UBQLN1: variants seen among roughly 807,000 people sequenced by gnomAD.
UBQLN1 encodes the protein ubiquilin-1.
In UBQLN1, 13 loss-of-function variants were observed where a neutral mutation model predicts 65.4. The observed-to-expected ratio is 0.20, with a 90% confidence interval of 0.13 to 0.32. UBQLN1 has a LOEUF of 0.32. UBQLN1 is among the 10% of genes least tolerant of loss of function. The pLI, the probability that UBQLN1 is intolerant of heterozygous loss-of-function variation, is 1.00. For synonymous variants in UBQLN1, 267 were observed against 247.8 expected, an observed-to-expected ratio of 1.08 and a Z score of -0.73; for missense variants, 561 against 724.0, an observed-to-expected ratio of 0.77 and a Z score of 2.58.
intron 6 of UBQLN1, among the ~76,000 whole-genome samples, chr9:83,673,637 T>C (rs1032231982): frequency 6.6e-5 from 10 of 151,338 alleles, no homozygotes; most frequent in African/African-American, 2.4e-4. Context: ...AAGATAAATA[T>C]TTTGTGAAAC....
chr9:83,673,079 A>G (rs1831760745), intron 6 of UBQLN1, among the ~76,000 whole-genome samples: 6 of 151,384 alleles, frequency 4.0e-5, no homozygotes, highest in Admixed American at 3.9e-4. Flanking sequence ...AAGATACAAA[A>G]ATCAGCTGGG....
At chr9:83,698,546 A>C (rs1832258405) in intron 1 of UBQLN1, among the ~76,000 whole-genome samples, 1 of 152,222 alleles carries the variant, frequency 6.6e-6, no homozygotes. Context: ...GAAGCAACCC[A>C]AGCGACCAGC....
At chr9:83,700,607 A>G (rs1018240348) in intron 1 of UBQLN1, among the ~76,000 whole-genome samples, 1 of 152,212 alleles carries the variant, frequency 6.6e-6, no homozygotes, top group African/African-American at 2.4e-5. Flanking sequence ...ACAATCAGAA[A>G]TAGATACTAC....
Position 83,707,899 on chromosome 9 carries a change from T to C in UBQLN1, c.-220A>G. On this transcript the variant is annotated 5_prime_UTR_variant, in exon 1 of 11. Coordinates refer to ENST00000376395, the MANE Select transcript of UBQLN1 (RefSeq NM_013438.5). ...CGGGTCAGGCGCTCGGCAGCCGCCG[T>C]GTGTTCAGGCGCCGCTCGCTCACAC... 1 of 585,906 alleles carries C rather than the reference T, an allele frequency of 1.7e-6. No homozygotes were observed. Among genetic ancestry groups the C allele is most frequent in the Admixed American group, 4.1e-5 (1 of 24,328 alleles). The allele number at this position is 585,906 out of a possible 1,614,324, so 36.3% of individuals were successfully genotyped here.
chr9:83,685,352 T>C (rs1164393982), intron 2 of UBQLN1, among the ~76,000 whole-genome samples: 1 of 152,202 alleles, frequency 6.6e-6, no homozygotes, highest in Non-Finnish European at 1.5e-5. Context: ...CAACTAAGTC[T>C]TCGTATGTTA....
rs963813235 is a variant in UBQLN1 at position 83,689,463 on chromosome 9, G to A, written c.181-3308C>T. On this transcript the variant is annotated intron_variant, in intron 1 of 10. Coordinates refer to ENST00000376395, the MANE Select transcript of UBQLN1 (RefSeq NM_013438.5). The stretch of plus-strand genomic sequence containing the variant: ...TGAACAATTAACATATGACCTAATT[G>A]AGCATACACAGATCACCAAACCCAA... Among the ~76,000 whole-genome samples the A allele has an allele frequency of 1.1e-4, 16 of 152,120 alleles. 1 individual carries two copies. Among genetic ancestry groups the A allele is most frequent in the African/African-American group, 3.9e-4 (16 of 41,418 alleles).
At chr9:83,680,114 G>C in intron 3 of UBQLN1, 77 bp from the exon 4 acceptor site, 5 of 1,442,336 alleles carry the variant, frequency 3.5e-6, no homozygotes, top group Non-Finnish European at 4.7e-6. Context: ...ATATGAAGAT[G>C]CAAAAAAGTA....
chr9:83,670,952 CT>C lies in UBQLN1; in HGVS notation c.1106-1626del, dbSNP rs759187667. ...TGTAGCAACGCAGTCAGTGTTCATG[CT>C]CCACCTCTTTTTTTCTTTTTAAATT... On this transcript the variant is annotated intron_variant, in intron 6 of 10. Coordinates refer to ENST00000376395, the MANE Select transcript of UBQLN1 (RefSeq NM_013438.5). Among the ~76,000 whole-genome samples, 168 of 152,286 alleles carry C rather than the reference CT, an allele frequency of 1.1e-3. 2 individuals carry two copies. The highest frequency in any genetic ancestry group is 6.8e-3 in the Middle Eastern group (2 of 294).
rs746037438 is a variant in UBQLN1, at chr9:83,677,809, A to C, written c.1023T>G (p.Thr341=). ...SSSASSGTAS[T]VGGTTGSTAS... is the part of the protein sequence containing the mutation. Reference sequence around the variant, plus strand: ...CAGTACTACCAGTAGTGCCACCCACAGTGCTGGCAGTGCCGCTGGAAGCTG... The same window carrying C: ...CAGTACTACCAGTAGTGCCACCCACCGTGCTGGCAGTGCCGCTGGAAGCTG... The change falls in exon 6 of 11, where the codon ACT becomes ACG. Residue 341 remains threonine, a synonymous_variant. Coordinates refer to ENST00000376395, the MANE Select transcript of UBQLN1 (RefSeq NM_013438.5). 2 of 1,614,150 alleles carry C rather than the reference A, an allele frequency of 1.2e-6. No individual in the cohort carries two copies. Among genetic ancestry groups the C allele is most frequent in the Admixed American group, 1.7e-5 (1 of 60,020 alleles).
intron 1 of UBQLN1, among the ~76,000 whole-genome samples, chr9:83,689,042 C>T (rs1390896649): frequency 6.6e-6 from 1 of 152,206 alleles, no homozygotes; most frequent in Non-Finnish European, 1.5e-5. Context: ...AGAACATTTT[C>T]ATTACCTCAA....
chr9:83,690,353 T>C (rs932841528), intron 1 of UBQLN1, among the ~76,000 whole-genome samples: 1 of 152,164 alleles, frequency 6.6e-6, no homozygotes, highest in Non-Finnish European at 1.5e-5. Flanking sequence ...ATTTCATTTA[T>C]GTGAGTTTTT....
chr9:83,678,366 T>C, intron 5 of UBQLN1, 75 bp downstream of exon 5: 1 of 1,491,174 alleles, frequency 6.7e-7, no homozygotes, highest in Non-Finnish European at 9.0e-7. Context: ...ATATAAAAGC[T>C]ACCCTCAATC....
intron 1 of UBQLN1, among the ~76,000 whole-genome samples, chr9:83,701,791 C>T (rs1350002514): frequency 1.2e-5 from 1 of 80,512 alleles, no homozygotes; most frequent in Admixed American, 1.3e-4. Flanking sequence ...GAGCTTTGAC[C>T]CAGCAATTTC....
chr9:83,690,021 A>G (rs997113149), intron 1 of UBQLN1, among the ~76,000 whole-genome samples: 3 of 152,250 alleles, frequency 2.0e-5, no homozygotes, highest in Admixed American at 6.5e-5. Flanking sequence ...AACCACACAC[A>G]CTGTGGGTAC....
rs1832443122 is a variant in UBQLN1 at position 83,707,768 on chromosome 9, C to T, written c.-89G>A. ...GCCAGCAGACACCAGAGCCGGCAGGCCTGGACAGCGAAGAATGCAGAGCAC... is the reference window on the plus strand; with the variant it reads ...GCCAGCAGACACCAGAGCCGGCAGGTCTGGACAGCGAAGAATGCAGAGCAC... On this transcript the variant is annotated 5_prime_UTR_variant, in exon 1 of 11. Coordinates refer to ENST00000376395, the MANE Select transcript of UBQLN1 (RefSeq NM_013438.5). 1.4e-6 allele frequency: 2 copies of T among 1,448,606 alleles called. No individual in the cohort carries two copies. Among genetic ancestry groups the T allele is most frequent in the African/African-American group, 1.5e-5 (1 of 67,254 alleles). The allele number at this position is 1,448,606 out of a possible 1,614,324, so 89.7% of individuals were successfully genotyped here.
Position 83,661,542 on chromosome 9 carries a change from G to A in UBQLN1, c.*245C>T. ...TGGTCACCCAACTATAAAAGGTGAT[G>A]TTTTTAAAAAATTACAATAAATGCA... On this transcript the variant is annotated 3_prime_UTR_variant, in exon 11 of 11. Transcript: ENST00000376395. 2.8e-6 allele frequency: 1 copy of A among 354,136 alleles called. No homozygotes were observed. Among genetic ancestry groups the A allele is most frequent in the Non-Finnish European group, 5.0e-6 (1 of 199,864 alleles). 21.9% of individuals were successfully genotyped at this position (354,136 alleles called of 1,614,324 possible).
chr9:83,686,297 CAGG>C, intron 1 of UBQLN1, 142 bp from the exon 2 acceptor site: 1 of 573,818 alleles, frequency 1.7e-6, no homozygotes, highest in South Asian at 3.2e-5. Context: ...GAGGCTGAGG[CAGG>C]AGGACTGCCT....
intron 3 of UBQLN1, among the ~76,000 whole-genome samples, chr9:83,680,243 A>G (rs1032240074): frequency 1.3e-5 from 2 of 152,248 alleles, no homozygotes; most frequent in African/African-American, 4.8e-5. Context: ...TAATTAAAGT[A>G]ATAAAATCAA....
At chr9:83,673,561 A>C (rs1170088591) in intron 6 of UBQLN1, among the ~76,000 whole-genome samples, 18 of 85,798 alleles carry the variant, frequency 2.1e-4, no homozygotes, top group African/African-American at 5.5e-4. Flanking sequence ...AAAAAAAAAA[A>C]AAAAAACAAA....
Sources: gnomAD v4.1 joint callset for allele counts (sites outside exome capture counted in the v4.1 genomes callset) on GRCh38, gnomAD v4.1.1 for gene constraint, MANE v1.5 for transcripts, NCBI Gene and HGNC (gene_info 2026-07-23, HGNC 2026-07-21) for gene names.